Variants in MYO5A observed in about 807,000 individuals in gnomAD.
The protein encoded by MYO5A is myosin VA, also known as unconventional myosin-Va.
A neutral mutation model predicts 249.7 loss-of-function variants in MYO5A; 98 were observed. The ratio of observed to expected loss-of-function variants is 0.39; its 90% CI spans 0.33 to 0.46. The LOEUF is 0.46. Among genes scored for constraint, MYO5A ranks in the 20% least tolerant of loss-of-function variants. MYO5A has a pLI of 0.98. For synonymous variants in MYO5A, 778 were observed against 810.6 expected, an observed-to-expected ratio of 0.96 and a Z score of 0.68; for missense variants, 1,696 against 2,308.8, an observed-to-expected ratio of 0.73 and a Z score of 5.44.
chr15:52,378,157 C>A (rs1333698325), intron 18 of MYO5A, among the ~76,000 whole-genome samples: 1 of 152,036 alleles, frequency 6.6e-6, no homozygotes, highest in African/African-American at 2.4e-5. Flanking sequence ...CTGAAATGGC[C>A]TGGGTGAGAG....
intron 37 of MYO5A, 23 bp downstream of exon 37, chr15:52,323,332 T>A: frequency 6.3e-7 from 1 of 1,592,340 alleles, no homozygotes; most frequent in Non-Finnish European, 8.6e-7. Context: ...AGCATGCTGG[T>A]TTTGTAATCA....
intron 9 of MYO5A, among the ~76,000 whole-genome samples, chr15:52,399,331 T>C (rs578074279): frequency 6.6e-6 from 1 of 152,334 alleles, no homozygotes; most frequent in East Asian, 1.9e-4. Flanking sequence ...GAGATTTCAT[T>C]CTGTTGCCCA....
chr15:52,316,726 T>G (rs1211266080), intron 40 of MYO5A, among the ~76,000 whole-genome samples: 1 of 152,234 alleles, frequency 6.6e-6, no homozygotes, highest in Non-Finnish European at 1.5e-5. Flanking sequence ...GAATATAAGC[T>G]GCATAGACTG....
intron 18 of MYO5A, among the ~76,000 whole-genome samples, chr15:52,378,515 CA>C (rs55803737): frequency 0.11 from 1,112 of 10,484 alleles, 68 homozygotes; most frequent in African/African-American, 0.14. Context: ...AAGACTGTCT[CA>C]AAAAAAAAAA....
chr15:52,515,456 C>G (rs2077477577), intron 1 of MYO5A, among the ~76,000 whole-genome samples: 1 of 152,036 alleles, frequency 6.6e-6, no homozygotes, highest in Non-Finnish European at 1.5e-5. Flanking sequence ...ATTCACCAGA[C>G]AGGAAAAAGA....
chr15:52,407,599 T>C (rs1889523631), intron 7 of MYO5A, among the ~76,000 whole-genome samples, 200 bp from the exon 8 acceptor site: 3 of 152,020 alleles, frequency 2.0e-5, no homozygotes, highest in Admixed American at 2.0e-4. Flanking sequence ...GTAAAATATT[T>C]ATAGTTTATT....
At chr15:52,323,991 A>G (rs2038460443) in intron 36 of MYO5A, 1 of 118,152 alleles carries the variant, frequency 8.5e-6, no homozygotes. Context: ...AGACAGAACG[A>G]GACTCTGTCT....
intron 1 of MYO5A, among the ~76,000 whole-genome samples, chr15:52,519,884 C>T (rs1423044068): frequency 6.6e-6 from 1 of 152,002 alleles, no homozygotes; most frequent in African/African-American, 2.4e-5. Context: ...GCACACGCCA[C>T]CACGCCCGGC....
chr15:52,364,658 G>A lies in MYO5A; in HGVS notation c.3205C>T (p.Leu1069Phe). 6.2e-7 allele frequency: 1 copy of A among 1,613,708 alleles called. No individual in the cohort carries two copies. The highest frequency in any genetic ancestry group is 1.1e-5 in the South Asian group (1 of 91,064). ...KLVEETKQLE[L>F]DLNDERLRYQ... ...CTCAGCCTTTCATCATTAAGGTCGA[G>A]TTCCAGTTGTTTCGTTTCTTCTACT... is the stretch of plus-strand genomic sequence containing the variant. The change falls in exon 24 of 42, where the codon CTC becomes TTC. Residue 1069 changes from leucine (L) to phenylalanine (F), a missense_variant. By Grantham distance (22) the Leu-to-Phe change is conservative. Around this residue, in one of 5 missense-constraint regions of MYO5A, gnomAD observed 412 missense variants for 453.3 expected, o/e 0.91. Transcript: ENST00000399233.
chr15:52,437,423 C>T (rs1272648009), intron 1 of MYO5A, among the ~76,000 whole-genome samples: 1 of 151,758 alleles, frequency 6.6e-6, no homozygotes, highest in Non-Finnish European at 1.5e-5. Context: ...GGTGAAACCC[C>T]GCCTCTACTA....
chr15:52,376,211 C>T, intron 19 of MYO5A, 136 bp downstream of exon 19: 4 of 768,090 alleles, frequency 5.2e-6, no homozygotes, highest in South Asian at 3.0e-5. Flanking sequence ...TTTAGCTGTC[C>T]TATGAGTTAA....
chr15:52,360,551 T>A (rs1411272868), intron 24 of MYO5A, among the ~76,000 whole-genome samples: 2 of 152,108 alleles, frequency 1.3e-5, no homozygotes, highest in African/African-American at 2.4e-5. Context: ...GATGAAGGAG[T>A]TCACACAGGC....
At position 52,370,099 on chromosome 15, in the gene MYO5A, G is replaced by A. The variant is rs187709385; in HGVS notation, c.3066+70C>T. On this transcript the variant is annotated intron_variant, in intron 22 of 41. Coordinates refer to ENST00000399233, the MANE Select transcript of MYO5A (RefSeq NM_001382347.1). Reference sequence around the variant, plus strand: ...TAATAAAACCAACAGTGAGTCACACGGACCAAGTCATGATGACAGCACCTC... The same window carrying A: ...TAATAAAACCAACAGTGAGTCACACAGACCAAGTCATGATGACAGCACCTC... 5.7e-5 allele frequency: 90 copies of A among 1,591,516 alleles called. No individual in the cohort carries two copies. The African/African-American group carries it at 7.0e-4, about 12-fold the overall frequency.
chr15:52,356,800 C>CTTT (rs11316458), intron 25 of MYO5A, among the ~76,000 whole-genome samples: 3 of 105,820 alleles, frequency 2.8e-5, no homozygotes, highest in African/African-American at 5.6e-5. Context: ...ATTTCTTTGA[C>CTTT]TTTTTTTTTT....
intron 1 of MYO5A, among the ~76,000 whole-genome samples, chr15:52,501,781 G>T (rs902057092): frequency 2.7e-5 from 4 of 150,904 alleles, no homozygotes; most frequent in South Asian, 2.1e-4. Context: ...AAACCCTCTT[G>T]CCCACAGAAA....
chr15:52,471,339 C>G (rs1362395017), intron 1 of MYO5A, among the ~76,000 whole-genome samples: 5 of 152,110 alleles, frequency 3.3e-5, no homozygotes, highest in Non-Finnish European at 5.9e-5. Flanking sequence ...TGCAGTGGCT[C>G]ACGCCTGTAA....
At chr15:52,486,966 A>G (rs1226163266) in intron 1 of MYO5A, among the ~76,000 whole-genome samples, 1 of 152,266 alleles carries the variant, frequency 6.6e-6, no homozygotes. Context: ...AAGAATGAGT[A>G]TTTGTGTTAT....
At chr15:52,501,304 T>C (rs994031917) in intron 1 of MYO5A, among the ~76,000 whole-genome samples, 1 of 152,082 alleles carries the variant, frequency 6.6e-6, no homozygotes, top group Non-Finnish European at 1.5e-5. Flanking sequence ...AAAATGTCTC[T>C]TTGAAATACC....
At chr15:52,336,888 G>C (rs2039146357) in intron 33 of MYO5A, among the ~76,000 whole-genome samples, 1 of 152,176 alleles carries the variant, frequency 6.6e-6, no homozygotes. Context: ...TTTTAAAGGA[G>C]GACTGACTAG....
Sources: gnomAD v4.1 joint callset for allele counts (sites outside exome capture counted in the v4.1 genomes callset) on GRCh38, gnomAD v4.1.1 for gene constraint, gnomAD v4.1.1 regional missense constraint, MANE v1.5 for transcripts, NCBI Gene and HGNC (gene_info 2026-07-23, HGNC 2026-07-21) for gene names.